OPN3: variants seen among roughly 807,000 people sequenced by gnomAD.
OPN3 encodes opsin 3.
OPN3 carries 29 observed loss-of-function variants against 33.8 expected under a neutral mutation model. The observed-to-expected ratio is 0.86, with a 90% confidence interval of 0.64 to 1.17. The LOEUF (loss-of-function observed/expected upper bound fraction) is 1.17. Among genes scored for constraint, OPN3 ranks in the 50% most tolerant of loss-of-function variants. The pLI, the probability that OPN3 is intolerant of heterozygous loss-of-function variation, is 0.00. For missense variants in OPN3, 437 were observed against 514.1 expected (o/e 0.85, Z 1.45); for synonymous variants, 216 against 216.1 (o/e 1.00, Z 0.00).
At chr1:241,611,493 C>CAAAAAAAAAA (rs10645786) in intron 1 of OPN3, among the ~76,000 whole-genome samples, 1 of 123,208 alleles carries the variant, frequency 8.1e-6, no homozygotes, top group African/African-American at 3.0e-5. Context: ...TTAACAAGGC[C>CAAAAAAAAAA]AAAAAAAAAA....
In OPN3 at chr1:241,640,209, C is replaced by T. The variant is rs1400471113; in HGVS notation, c.46G>A (p.Gly16Ser). The change falls in exon 1 of 4, where the codon GGC becomes AGC. Residue 16 changes from glycine (G) to serine (S), a missense_variant. By Grantham distance (56) the Gly-to-Ser change is moderately conservative. Coordinates refer to ENST00000366554, the MANE Select transcript of OPN3 (RefSeq NM_014322.3). ...GGCCCCTCAGCGCCCGCGGCCCCGC[C>T]GCCGTCCCAGTAGCCGTGGCCGCCG... The part of the protein sequence containing the change: ...RSGGHGYWDG[G>S]GAAGAEGPAP... 20 of 1,359,608 alleles carry T rather than the reference C, an allele frequency of 1.5e-5. No homozygotes were observed. In the East Asian group the frequency reaches 3.7e-4, roughly 25 times the overall value. The allele number at this position is 1,359,608 out of a possible 1,614,324, so 84.2% of individuals were successfully genotyped here. A position where few individuals can be genotyped will look rare whatever the true frequency, so the allele number is the denominator to read the frequency against.
At position 241,604,500 on chromosome 1, in the gene OPN3, A is replaced by G. The variant is rs1300385607; in HGVS notation, c.453T>C (p.Phe151=). Residue 151 remains phenylalanine, a synonymous_variant, in exon 2 of 4, where the codon TTT becomes TTC. Coordinates refer to ENST00000366554, the MANE Select transcript of OPN3 (RefSeq NM_014322.3). ...AGGTAATGGCCCTCCAGGCCCAGGA[A>G]AAATTGATCACTCTGGCATGGACCA... ...IRVVHARVIN[F]SWAWRAITYI... is the part of the protein sequence containing the mutation. The G allele has an allele frequency of 6.2e-7, 1 of 1,614,178 alleles. No homozygotes were observed. Among genetic ancestry groups the G allele is most frequent in the East Asian group, 2.2e-5 (1 of 44,846 alleles).
intron 1 of OPN3, among the ~76,000 whole-genome samples, chr1:241,638,058 T>A (rs1026964527): frequency 6.6e-6 from 1 of 152,200 alleles, no homozygotes; most frequent in African/African-American, 2.4e-5. Flanking sequence ...AAAAACTTTT[T>A]AAACTCTATA....
intron 1 of OPN3, chr1:241,632,498 G>A (rs1446952546): frequency 6.6e-6 from 1 of 152,130 alleles, no homozygotes; most frequent in East Asian, 1.9e-4. Flanking sequence ...TCTGACTGAA[G>A]AATGGAAACT....
Position 241,640,302 on chromosome 1 carries a change from G to A in OPN3, c.-48C>T. On this transcript the variant is annotated 5_prime_UTR_variant, in exon 1 of 4. Coordinates refer to ENST00000366554, the MANE Select transcript of OPN3 (RefSeq NM_014322.3). ...CGGGCGGAGGCGCTCAGCTTGCGGC[G>A]GGGCTCGCGGCGCGCTCCGCACTGG... 2.7e-6 allele frequency: 3 copies of A among 1,114,646 alleles called. No homozygotes were observed. The highest frequency in any genetic ancestry group is 3.3e-6 in the Non-Finnish European group (3 of 916,732). 69.0% of individuals were successfully genotyped at this position (1,114,646 alleles called of 1,614,324 possible).
At chr1:241,606,649 A>T (rs2148002968) in intron 1 of OPN3, among the ~76,000 whole-genome samples, 1 of 152,276 alleles carries the variant, frequency 6.6e-6, no homozygotes, top group South Asian at 2.1e-4. Context: ...GATTACATGA[A>T]CTGAAGTAAA....
In OPN3 at chr1:241,604,392, G is replaced by A. The variant is rs1217909751; in HGVS notation, c.561C>T (p.Gly187=). 2 of 1,614,214 alleles carry A rather than the reference G, an allele frequency of 1.2e-6. No homozygotes were observed. The highest frequency in any genetic ancestry group is 1.6e-4 in the Middle Eastern group (1 of 6,062). ...NRYILDVHGL[G]CTVDWKSKDA... ...CCTTGGATTTCCAGTCCACAGTGCA[G>A]CCTAGTCCGTGTACGTCCAGGATGT... The change falls in exon 2 of 4, where the codon GGC becomes GGT. Residue 187 remains glycine, a synonymous_variant. Coordinates refer to ENST00000366554, the MANE Select transcript of OPN3 (RefSeq NM_014322.3).
intron 1 of OPN3, among the ~76,000 whole-genome samples, chr1:241,627,226 TTATTA>T (rs1326289290): frequency 6.6e-6 from 1 of 152,200 alleles, no homozygotes; most frequent in East Asian, 1.9e-4. Flanking sequence ...TTGGCCCATT[TTATTA>T]TAATTATAAA....
chr1:241,597,900 A>G lies in OPN3; in HGVS notation c.791T>C (p.Phe264Ser), dbSNP rs1317649236. ...GATATAAGGCATCCAACAGACCAGGAAGGTGAATATCATTAAAAAGCACAT... is the reference window on the plus strand; with the variant it reads ...GATATAAGGCATCCAACAGACCAGGGAGGTGAATATCATTAAAAAGCACAT... ...AKMCFLMIFT[F>S]LVCWMPYIVI... Residue 264 changes from phenylalanine (F) to serine (S), a missense_variant, in exon 3 of 4, where the codon TTC becomes TCC. Transcript: ENST00000366554. 1.2e-6 allele frequency: 2 copies of G among 1,613,888 alleles called. No homozygotes were observed. The highest frequency in any genetic ancestry group is 2.7e-5 in the African/African-American group (2 of 74,880).
chr1:241,623,099 C>A (rs199897902), intron 1 of OPN3, among the ~76,000 whole-genome samples: 1 of 151,182 alleles, frequency 6.6e-6, no homozygotes, highest in Non-Finnish European at 1.5e-5. Context: ...AAACAAAAAA[C>A]AAAAAAAACA....
intron 1 of OPN3, chr1:241,633,870 C>T (rs1664751540): frequency 6.2e-7 from 1 of 1,613,874 alleles, no homozygotes; most frequent in Non-Finnish European, 8.5e-7. Context: ...GCCATTACTA[C>T]ATTATTGGTT....
chr1:241,606,587 A>T (rs893301124), intron 1 of OPN3, among the ~76,000 whole-genome samples: 8 of 128,610 alleles, frequency 6.2e-5, no homozygotes, highest in East Asian at 2.5e-4. Context: ...ATAAATAAAT[A>T]AAATAAATAA....
At chr1:241,617,449 C>A (rs1282592965) in intron 1 of OPN3, among the ~76,000 whole-genome samples, 5 of 152,100 alleles carry the variant, frequency 3.3e-5, no homozygotes. Flanking sequence ...ATCCGATATC[C>A]CAGAAGAGCA....
intron 1 of OPN3, among the ~76,000 whole-genome samples, chr1:241,616,347 C>G (rs1664132061): frequency 6.6e-6 from 1 of 152,160 alleles, no homozygotes; most frequent in Non-Finnish European, 1.5e-5. Flanking sequence ...GCATAGCATG[C>G]TGGCTATTAA....
rs950975869 is a variant in OPN3 at position 241,593,545 on chromosome 1, T to A, written c.*883A>T. ...CAGTTTGTAGGGAAAGAAAAAATAA[T>A]TTTTCCTTCTACCCACTTTAGGTTC... is the stretch of plus-strand genomic sequence containing the variant. On this transcript the variant is annotated 3_prime_UTR_variant, in exon 4 of 4. Coordinates refer to ENST00000366554, the MANE Select transcript of OPN3 (RefSeq NM_014322.3). 1.2e-5 allele frequency: 3 copies of A among 249,516 alleles called. No individual in the cohort carries two copies. Among genetic ancestry groups the A allele is most frequent in the African/African-American group, 6.6e-5 (3 of 45,738 alleles). 15.5% of individuals were successfully genotyped at this position (249,516 alleles called of 1,614,324 possible).
At chr1:241,600,570 T>C (rs975102672) in intron 2 of OPN3, 2 of 152,212 alleles carry the variant, frequency 1.3e-5, no homozygotes, top group Admixed American at 6.5e-5. Flanking sequence ...CCAAGACATC[T>C]GTAGATTTTC....
chr1:241,624,889 T>C (rs1430378997), intron 1 of OPN3, among the ~76,000 whole-genome samples: 3 of 152,116 alleles, frequency 2.0e-5, no homozygotes, highest in Non-Finnish European at 2.9e-5. Flanking sequence ...TTGGTCAAGC[T>C]CTTTGTCTTC....
intron 1 of OPN3, among the ~76,000 whole-genome samples, chr1:241,622,963 G>A (rs1664308512): frequency 6.6e-6 from 1 of 151,970 alleles, no homozygotes; most frequent in African/African-American, 2.4e-5. Flanking sequence ...TAGTTTCTTT[G>A]TATTTGGACA....
At chr1:241,617,815 A>G (rs1664173954) in intron 1 of OPN3, among the ~76,000 whole-genome samples, 1 of 152,224 alleles carries the variant, frequency 6.6e-6, no homozygotes, top group Admixed American at 6.5e-5. Context: ...ATTGCTATAT[A>G]GCCTGTGCAG....
Sources: gnomAD v4.1 joint callset for allele counts (sites outside exome capture counted in the v4.1 genomes callset) on GRCh38, gnomAD v4.1.1 for gene constraint, MANE v1.5 for transcripts, NCBI Gene and HGNC (gene_info 2026-07-23, HGNC 2026-07-21) for gene names.